Variants in PTPRN2 observed in about 807,000 individuals in gnomAD.
PTPRN2 encodes the protein receptor-type tyrosine-protein phosphatase N2.
PTPRN2 carries 74 observed loss-of-function variants against 118.8 expected under a neutral mutation model. The observed-to-expected ratio is 0.62, with a 90% CI of 0.52 to 0.76. PTPRN2 has a LOEUF of 0.76. PTPRN2 is among the 30% of genes least tolerant of loss of function. The pLI is 0.00. For missense variants in PTPRN2, 1,481 were observed against 1,394.4 expected (o/e 1.06, Z -0.99); for synonymous variants, 641 against 608.0 (o/e 1.05, Z -0.80).
rs1468923921 is a variant in PTPRN2 at position 158,565,233 on chromosome 7, C to A, written c.112+22325G>T. Among the ~76,000 whole-genome samples the A allele has an allele frequency of 1.3e-5, 2 of 152,222 alleles. No individual in the cohort carries two copies. The highest frequency in any genetic ancestry group is 1.3e-4 in the Admixed American group (2 of 15,286). On this transcript the variant is annotated intron_variant, in intron 1 of 22. Transcript: ENST00000389418. The surrounding 1 kb of genome is among the most constrained non-coding windows in gnomAD (Gnocchi z 4.6). ...TTGACTTTTAGAGCTGCAATCTATA[C>A]AGGCATATTTGTGGCTACATAAACA...
chr7:158,070,934 G>GT (rs1811330810), intron 11 of PTPRN2, among the ~76,000 whole-genome samples: 1 of 128,302 alleles, frequency 7.8e-6, no homozygotes, highest in African/African-American at 3.4e-5. Flanking sequence ...AGGTGCTCCT[G>GT]GTGGTGGAGG....
intron 2 of PTPRN2, among the ~76,000 whole-genome samples, chr7:158,453,020 A>C (rs1818197545): frequency 6.6e-6 from 1 of 152,234 alleles, no homozygotes; most frequent in Non-Finnish European, 1.5e-5. Context: ...TGATGCTTTT[A>C]ACTTGACAGT....
intron 3 of PTPRN2, among the ~76,000 whole-genome samples, chr7:158,273,788 C>CAG (rs1335266240): frequency 1.5e-4 from 13 of 84,356 alleles, no homozygotes; most frequent in South Asian, 9.9e-4. Flanking sequence ...GCCGCAGACA[C>CAG]GGGGAGCCGC....
chr7:158,311,305 GTTT>G (rs1187116715), intron 3 of PTPRN2, among the ~76,000 whole-genome samples: 2 of 152,088 alleles, frequency 1.3e-5, no homozygotes, highest in African/African-American at 4.8e-5. Context: ...TACATATTTG[GTTT>G]TTTTGCTTTT....
At chr7:158,004,982 C>T (rs941005553) in intron 11 of PTPRN2, among the ~76,000 whole-genome samples, 8 of 152,150 alleles carry the variant, frequency 5.3e-5, no homozygotes, top group Admixed American at 3.3e-4. Flanking sequence ...GAAACACACA[C>T]CTCCCCCTTT....
intron 3 of PTPRN2, among the ~76,000 whole-genome samples, chr7:158,242,982 T>A (rs1056227946): frequency 6.6e-6 from 1 of 152,246 alleles, no homozygotes; most frequent in Non-Finnish European, 1.5e-5. Flanking sequence ...ATTTTGATGA[T>A]CTTTCCTATT....
At chr7:157,664,346 A>G (rs1035223168) in intron 13 of PTPRN2, among the ~76,000 whole-genome samples, 1 of 152,228 alleles carries the variant, frequency 6.6e-6, no homozygotes, top group Non-Finnish European at 1.5e-5. Context: ...TGCCCGTATC[A>G]CCTGCGTTCA....
chr7:157,888,268 C>T (rs1414932354), intron 12 of PTPRN2, among the ~76,000 whole-genome samples: 2 of 152,116 alleles, frequency 1.3e-5, no homozygotes, highest in South Asian at 2.1e-4. Context: ...TACCATCAAA[C>T]GCACTGTTAC....
chr7:157,661,128 T>G (rs1439723776), intron 13 of PTPRN2, among the ~76,000 whole-genome samples: 1 of 152,240 alleles, frequency 6.6e-6, no homozygotes, highest in Non-Finnish European at 1.5e-5. Flanking sequence ...AGTGGCTCAG[T>G]GCTGGTGCAC....
At chr7:158,301,461 G>A (rs1800887348) in intron 3 of PTPRN2, among the ~76,000 whole-genome samples, 1 of 152,180 alleles carries the variant, frequency 6.6e-6, no homozygotes, top group Non-Finnish European at 1.5e-5. Context: ...TAGCTCCCGA[G>A]GTGCTTAGCA....
intron 4 of PTPRN2, among the ~76,000 whole-genome samples, chr7:158,192,878 G>A (rs1362716519): frequency 6.6e-6 from 1 of 152,216 alleles, no homozygotes. Context: ...GGGCATGGGG[G>A]GCCCAAGGCT....
rs367839781 is a variant in PTPRN2 at position 158,317,148 on chromosome 7, GGAGA to G, written c.164-220_164-217del. ...TCACGGAAAACACAAATGCCAAGGTGGAGAGAAAGTCCAGTGTGGCTGCAATGTT... is the reference window on the plus strand; with the variant it reads ...TCACGGAAAACACAAATGCCAAGGTGGAAAGTCCAGTGTGGCTGCAATGTT... On this transcript the variant is annotated intron_variant, in intron 2 of 22. Transcript: ENST00000389418. Among the ~76,000 whole-genome samples, 760 of 152,300 alleles carry G rather than the reference GGAGA, an allele frequency of 5.0e-3. 9 individuals are homozygous for G. Among genetic ancestry groups the G allele is most frequent in the African/African-American group, 0.017 (712 of 41,558 alleles).
At chr7:158,201,206 G>C (rs1403422964) in intron 4 of PTPRN2, among the ~76,000 whole-genome samples, 1 of 152,022 alleles carries the variant, frequency 6.6e-6, no homozygotes. Flanking sequence ...CCTGGCTAAA[G>C]AAAACGTACG....
chr7:157,986,299 A>G lies in PTPRN2; in HGVS notation c.1724-87562T>C, dbSNP rs1010688687. Among the ~76,000 whole-genome samples, 1 of 152,222 alleles carries G rather than the reference A, an allele frequency of 6.6e-6. No individual in the cohort carries two copies. Among genetic ancestry groups the G allele is most frequent in the Non-Finnish European group, 1.5e-5 (1 of 68,044 alleles). Reference sequence around the variant, plus strand: ...CACTAGGACCCAGGCAAGACTGCCAAGCGGATGAGGCTTCGCTTTAGGACC... The same window carrying G: ...CACTAGGACCCAGGCAAGACTGCCAGGCGGATGAGGCTTCGCTTTAGGACC... On this transcript the variant is annotated intron_variant, in intron 11 of 22. Coordinates refer to ENST00000389418, the MANE Select transcript of PTPRN2 (RefSeq NM_002847.5). This position sits in a 1 kb window ranked among gnomAD's most constrained non-coding sequence, Gnocchi z 4.5.
rs78166576 is a variant in PTPRN2 at position 157,876,225 on chromosome 7, C to A, written c.1788+22448G>T. Among the ~76,000 whole-genome samples the A allele has an allele frequency of 4.9e-3, 740 of 152,322 alleles. 4 individuals are homozygous for A. The highest frequency in any genetic ancestry group is 0.017 in the African/African-American group (691 of 41,568). Reference sequence around the variant, plus strand: ...ATCCAAGCCCTGTTTTTGTGTTGGTCTCCTGTTGTGACCCATCCCCTGCTA... The same window carrying A: ...ATCCAAGCCCTGTTTTTGTGTTGGTATCCTGTTGTGACCCATCCCCTGCTA... On this transcript the variant is annotated intron_variant, in intron 12 of 22. Transcript: ENST00000389418.
chr7:158,052,212 C>T (rs1228323459), intron 11 of PTPRN2, among the ~76,000 whole-genome samples: 1 of 152,174 alleles, frequency 6.6e-6, no homozygotes, highest in Non-Finnish European at 1.5e-5. Context: ...TTTTGTGAAA[C>T]GTGCTAATGT....
At chr7:157,604,950 T>G (rs1481889178) in intron 15 of PTPRN2, among the ~76,000 whole-genome samples, 1 of 152,228 alleles carries the variant, frequency 6.6e-6, no homozygotes, top group Admixed American at 6.5e-5. Context: ...GAGCCCCTCC[T>G]GCACCTCCCA....
chr7:157,561,224 T>G (rs1227827884), intron 21 of PTPRN2, among the ~76,000 whole-genome samples: 3 of 152,122 alleles, frequency 2.0e-5, no homozygotes, highest in Non-Finnish European at 4.4e-5. Context: ...GGCCCCCGGG[T>G]CCTGTACTGC....
intron 20 of PTPRN2, among the ~76,000 whole-genome samples, chr7:157,570,365 A>G (rs1485251222): frequency 6.6e-6 from 1 of 152,288 alleles, no homozygotes; most frequent in African/African-American, 2.4e-5. Flanking sequence ...TAAGGATAAC[A>G]AACCGTAATC....
Sources: gnomAD v4.1 joint callset for allele counts (sites outside exome capture counted in the v4.1 genomes callset) on GRCh38, gnomAD v4.1.1 for gene constraint, Gnocchi (gnomAD v3.1) non-coding constraint, MANE v1.5 for transcripts, NCBI Gene and HGNC (gene_info 2026-07-23, HGNC 2026-07-21) for gene names.